The following ADGRG4 variants were observed in gnomAD, a reference collection of about 807,000 sequenced individuals.
The protein encoded by ADGRG4 is G protein-coupled receptor 112.
ADGRG4 carries 122 observed loss-of-function variants against 126.2 expected under a neutral mutation model. That is an observed-to-expected ratio of 0.97 (90% CI 0.83 to 1.12). The LOEUF (loss-of-function observed/expected upper bound fraction) is 1.12, where lower values mean the gene tolerates loss of function less well. Ranked by LOEUF, ADGRG4 falls within the 50% of genes most tolerant of loss-of-function variation. The probability of loss-of-function intolerance (pLI) is 0.00; values close to 1 mark genes in which losing one functional copy is unlikely to be tolerated. For synonymous variants in ADGRG4, 943 were observed against 838.7 expected, an observed-to-expected ratio of 1.12 and a Z score of -2.15; for missense variants, 2,481 against 2,251.8, an observed-to-expected ratio of 1.10 and a Z score of -2.06.
Position 136,392,316 on chromosome X carries a change from C to T in ADGRG4, c.7996C>T (p.Pro2666Ser). 8.4e-7 allele frequency: 1 copy of T among 1,184,783 alleles called. No homozygotes were observed. The highest frequency in any genetic ancestry group is 1.1e-6 in the Non-Finnish European group (1 of 878,183). The change falls in exon 17 of 26, where the codon CCA becomes TCA. Residue 2666 changes from proline (P) to serine (S), a missense_variant. Pro to Ser is a moderately conservative substitution (Grantham distance 74, BLOSUM62 -1). Transcript: ENST00000394143. ...TATGTTCATTCAAAACTTAGCTGAC[C>T]CAGTGGTTATCACTCTGCAGCATAT... ...DDMFIQNLAD[P>S]VVITLQHIGG...
chrX:136,319,752 A>T (rs867209263), intron 4 of ADGRG4, among the ~76,000 whole-genome samples: 1 of 95,788 alleles, frequency 1.0e-5, no homozygotes, highest in African/African-American at 3.8e-5. Flanking sequence ...TCTATCTATC[A>T]TCTATCTATT....
At chrX:136,364,864 T>C (rs2075149483) in intron 13 of ADGRG4, among the ~76,000 whole-genome samples, 1 of 111,995 alleles carries the variant, frequency 8.9e-6, no homozygotes, top group Non-Finnish European at 1.9e-5. Context: ...GAATATTACA[T>C]ATATGTCAGA....
At chrX:136,401,664 T>C (rs755065606) in intron 21 of ADGRG4, among the ~76,000 whole-genome samples, 2 of 112,142 alleles carry the variant, frequency 1.8e-5, no homozygotes, top group South Asian at 7.5e-4. Flanking sequence ...TCTTTCACAT[T>C]CTTGTCCCCC....
At chrX:136,323,473 T>C in intron 5 of ADGRG4, 81 bp downstream of exon 5, 1 of 898,011 alleles carries the variant, frequency 1.1e-6, no homozygotes. Flanking sequence ...CCCAGGTTGC[T>C]AGTTTTGTCA....
In ADGRG4 at chrX:136,348,266, A is replaced by G. The variant is rs1045768145; in HGVS notation, c.4560A>G (p.Val1520=). The change falls in exon 6 of 26, where the codon GTA becomes GTG. Residue 1520 remains valine, a synonymous_variant. Coordinates refer to ENST00000394143, the MANE Select transcript of ADGRG4 (RefSeq NM_153834.4). ...AGATGTCCTCATTGCCAGTTAATGT[A>G]ACTGCCTTCACCTCCAAAAAAGTTT... ...IYQMSSLPVN[V]TAFTSKKVSD... is the part of the protein sequence containing the mutation. The G allele has an allele frequency of 8.3e-7, 1 of 1,208,746 alleles. No individual in the cohort carries two copies. Among genetic ancestry groups the G allele is most frequent in the African/African-American group, 1.8e-5 (1 of 57,070 alleles).
At chrX:136,393,437 T>C (rs1278259593) in intron 17 of ADGRG4, 98 bp from the exon 18 acceptor site, 5 of 688,826 alleles carry the variant, frequency 7.3e-6, no homozygotes, top group Admixed American at 5.5e-5. Context: ...ATGTTTACCA[T>C]GGGAAAAAAT....
intron 15 of ADGRG4, 21 bp from the exon 16 acceptor site, chrX:136,387,719 T>C (rs2075299410): frequency 8.4e-7 from 1 of 1,197,498 alleles, no homozygotes; most frequent in Non-Finnish European, 1.1e-6. Context: ...CCAATTTTCA[T>C]TTTTTGGCTT....
chrX:136,394,178 T>A (rs2075334798), intron 18 of ADGRG4, among the ~76,000 whole-genome samples: 1 of 111,458 alleles, frequency 9.0e-6, no homozygotes, highest in Non-Finnish European at 1.9e-5. Context: ...GAGATGAAAC[T>A]TCTTGGTTGG....
At chrX:136,353,467 T>G in intron 8 of ADGRG4, 66 bp downstream of exon 8, 3 of 712,738 alleles carry the variant, frequency 4.2e-6, no homozygotes, top group Non-Finnish European at 6.7e-6. Context: ...TGTTCCTATC[T>G]GGAGGGGATG....
chrX:136,390,226 T>A (rs2075312641), intron 16 of ADGRG4, among the ~76,000 whole-genome samples: 1 of 110,836 alleles, frequency 9.0e-6, no homozygotes, highest in African/African-American at 3.3e-5. Context: ...AATTTTCATA[T>A]TTTTTTGTAG....
chrX:136,314,094 T>C (rs1489568343), intron 4 of ADGRG4, among the ~76,000 whole-genome samples: 1 of 110,779 alleles, frequency 9.0e-6, no homozygotes, highest in Non-Finnish European at 1.9e-5. Context: ...TTCTTCTCTC[T>C]CTCTCTTTTT....
rs146527458 is a variant in ADGRG4, at chrX:136,346,178, C to T, written c.2472C>T (p.Thr824=). Residue 824 remains threonine, a synonymous_variant, in exon 6 of 26, where the codon ACC becomes ACT. Transcript: ENST00000394143. ...NGAIVFGGTT[T]PVPKSATTQR... ...CAATTGTATTTGGAGGTACAACGAC[C>T]CCTGTACCAAAGTCAGCAACAACAC... 2,363 of 1,206,442 alleles carry T rather than the reference C, an allele frequency of 2.0e-3. 4 individuals are homozygous for T. The highest frequency in any genetic ancestry group is 1.9e-3 in the Non-Finnish European group (1,675 of 893,489).
chrX:136,409,090 A>AC (rs1208564408), intron 23 of ADGRG4, among the ~76,000 whole-genome samples: 4 of 98,670 alleles, frequency 4.1e-5, no homozygotes, highest in African/African-American at 1.6e-4. Flanking sequence ...CACACACACA[A>AC]CCCGAATAAC....
In ADGRG4 at chrX:136,345,350, G is replaced by A. The variant is rs2075007638; in HGVS notation, c.1644G>A (p.Met548Ile). The change falls in exon 6 of 26, where the codon ATG becomes ATA. Residue 548 changes from methionine to isoleucine, a missense_variant. Coordinates refer to ENST00000394143, the MANE Select transcript of ADGRG4 (RefSeq NM_153834.4). ...TGGAAGATGCCATGTCTACTTCCAT[G>A]TCGAAAGAGACCTCCTCTAAGACCT... is the stretch of plus-strand genomic sequence containing the variant. The part of the protein sequence containing the change: ...PRVEDAMSTS[M>I]SKETSSKTFS... The A allele has an allele frequency of 8.3e-7, 1 of 1,210,526 alleles. No homozygotes were observed. The highest frequency in any genetic ancestry group is 1.1e-6 in the Non-Finnish European group (1 of 894,655).
rs140855868 is a variant in ADGRG4 at position 136,351,611 on chromosome X, A to C, written c.6822+70A>C. ...GAATATATACATTTATATATATGACAGAATATATTAAAACTAGGCTTTACT... is the reference window on the plus strand; with the variant it reads ...GAATATATACATTTATATATATGACCGAATATATTAAAACTAGGCTTTACT... On this transcript the variant is annotated intron_variant, in intron 7 of 25. Transcript: ENST00000394143. 1,489 of 428,327 alleles carry C rather than the reference A, an allele frequency of 3.5e-3. 16 individuals are homozygous for C. The highest frequency in any genetic ancestry group is 0.032 in the African/African-American group (1,229 of 38,176). The allele number at this position is 428,327 out of a possible 1,213,427, so 35.3% of individuals were successfully genotyped here. A position where few individuals can be genotyped will look rare whatever the true frequency, so the allele number is the denominator to read the frequency against.
intron 8 of ADGRG4, among the ~76,000 whole-genome samples, chrX:136,354,264 G>A (rs1380688826): frequency 3.6e-5 from 4 of 111,525 alleles, no homozygotes; most frequent in East Asian, 5.7e-4. Context: ...CTATAGACTA[G>A]GTGGCTTAAG....
At chrX:136,402,390 A>T (rs1048329130) in intron 21 of ADGRG4, among the ~76,000 whole-genome samples, 2 of 111,015 alleles carry the variant, frequency 1.8e-5, no homozygotes, top group Non-Finnish European at 3.8e-5. Context: ...CTTCTATTTT[A>T]AAAAACATCT....
At chrX:136,370,814 G>A (rs1437088948) in intron 13 of ADGRG4, among the ~76,000 whole-genome samples, 2 of 111,635 alleles carry the variant, frequency 1.8e-5, no homozygotes, top group African/African-American at 3.2e-5. Context: ...AAAAAAGTGG[G>A]CGAGTTAATA....
In ADGRG4 at chrX:136,335,305, A is replaced by G. The variant is rs750985364; in HGVS notation, c.686-9087A>G. On this transcript the variant is annotated intron_variant, in intron 5 of 25. Coordinates refer to ENST00000394143, the MANE Select transcript of ADGRG4 (RefSeq NM_153834.4). ...CTCATATATTGTTGAGGATTTTTGT[A>G]TTTAATTTCAGGAGAGATATTGGTC... Among the ~76,000 whole-genome samples, 358 of 107,375 alleles carry G rather than the reference A, an allele frequency of 3.3e-3. 1 individual carries two copies. The highest frequency in any genetic ancestry group is 5.4e-3 in the Non-Finnish European group (281 of 51,863). The allele number at this position is 107,375 out of a possible 115,157, so 93.2% of individuals were successfully genotyped here.
Sources: gnomAD v4.1 joint callset for allele counts (sites outside exome capture counted in the v4.1 genomes callset) on GRCh38, gnomAD v4.1.1 for gene constraint, MANE v1.5 for transcripts, NCBI Gene and HGNC (gene_info 2026-07-23, HGNC 2026-07-21) for gene names.